The following FGF13 variants were observed in gnomAD, a reference collection of about 807,000 sequenced individuals.
FGF13 encodes the protein fibroblast growth factor 13, also known as fibroblast growth factor homologous factor 2.
A neutral mutation model predicts 19.5 loss-of-function variants in FGF13; 2 were observed. That is an observed-to-expected ratio of 0.10 (90% CI 0.04 to 0.32). The LOEUF (loss-of-function observed/expected upper bound fraction) is 0.32. FGF13 is among the 10% of genes least tolerant of loss of function. The pLI is 1.00. For missense variants in FGF13, 113 were observed against 192.7 expected (o/e 0.59, Z 2.45); for synonymous variants, 72 against 76.9 (o/e 0.94, Z 0.33).
chrX:138,723,113 A>T (rs1402157449), intron 1 of FGF13, among the ~76,000 whole-genome samples: 4 of 111,804 alleles, frequency 3.6e-5, no homozygotes. Flanking sequence ...GTCCTGCTAC[A>T]CACAGATATG....
chrX:139,074,734 C>T (rs1024266975), intron 1 of FGF13, among the ~76,000 whole-genome samples: 4 of 112,287 alleles, frequency 3.6e-5, no homozygotes, highest in Non-Finnish European at 5.6e-5. Context: ...GAAGTCTCCG[C>T]CCCCTTCTCA....
Position 138,790,043 on chromosome X carries a change from C to CAAAA in FGF13, c.217+67465_217+67468dup, listed in dbSNP as rs764151731. Among the ~76,000 whole-genome samples, 27 of 29,165 alleles carry CAAAA rather than the reference C, an allele frequency of 9.3e-4. 7 individuals are homozygous for CAAAA. Among genetic ancestry groups the CAAAA allele is most frequent in the Admixed American group, 1.8e-3 (3 of 1,661 alleles). 25.3% of individuals were successfully genotyped at this position (29,165 alleles called of 115,157 possible). ...CTGGGTGACAGAGCGAGACTCCATT[C>CAAAA]AAAAAAAAAAAAAAAAAAAAAAAAA... On this transcript the variant is annotated intron_variant, in intron 3 of 6. Coordinates refer to the FGF13 transcript ENST00000436198.
At chrX:138,686,559 G>A (rs1357842875) in intron 3 of FGF13, among the ~76,000 whole-genome samples, 1 of 111,535 alleles carries the variant, frequency 9.0e-6, no homozygotes, top group African/African-American at 3.3e-5. Context: ...TAAATCAGTA[G>A]GATAATATTT....
chrX:139,113,580 A>G (rs1446916190), intron 1 of FGF13, among the ~76,000 whole-genome samples: 2 of 112,807 alleles, frequency 1.8e-5, no homozygotes, highest in African/African-American at 6.4e-5. Flanking sequence ...TTGTTATTTC[A>G]AACCAGGTTG....
intron 1 of FGF13, among the ~76,000 whole-genome samples, chrX:139,048,960 G>A (rs2092296293): frequency 9.0e-6 from 1 of 111,388 alleles, no homozygotes; most frequent in Non-Finnish European, 1.9e-5. Flanking sequence ...TAGTAACAAT[G>A]GGGAAATCCC....
intron 3 of FGF13, among the ~76,000 whole-genome samples, chrX:138,762,698 G>A (rs2090476312): frequency 9.0e-6 from 1 of 111,670 alleles, no homozygotes; most frequent in South Asian, 3.7e-4. Context: ...CTGTGCCTAA[G>A]TTTTCTTATC....
At chrX:138,916,725 G>C (rs1177935243) in intron 1 of FGF13, among the ~76,000 whole-genome samples, 3 of 112,214 alleles carry the variant, frequency 2.7e-5, no homozygotes, top group Admixed American at 1.9e-4. Flanking sequence ...TCATATTTCA[G>C]TGAGACCAAT....
At chrX:139,071,218 T>C (rs1326225913) in intron 1 of FGF13, among the ~76,000 whole-genome samples, 5 of 112,097 alleles carry the variant, frequency 4.5e-5, no homozygotes, top group African/African-American at 1.6e-4. Context: ...ATTATTCCTA[T>C]GACCTAATTT....
At chrX:139,164,735 T>G (rs2084067247) in intron 1 of FGF13, among the ~76,000 whole-genome samples, 1 of 84,466 alleles carries the variant, frequency 1.2e-5, no homozygotes, top group African/African-American at 4.5e-5. Flanking sequence ...GAATGGAGAA[T>G]TCTATTAAAA....
chrX:138,881,644 G>C (rs1168617558), intron 1 of FGF13, among the ~76,000 whole-genome samples: 1 of 111,712 alleles, frequency 9.0e-6, no homozygotes, highest in African/African-American at 3.2e-5. Flanking sequence ...GGCAGATTGT[G>C]TGTTTCTAAA....
intron 1 of FGF13, among the ~76,000 whole-genome samples, chrX:138,735,791 A>T (rs1359198489): frequency 8.9e-6 from 1 of 112,014 alleles, no homozygotes; most frequent in Non-Finnish European, 1.9e-5. Context: ...TAGAATGCAG[A>T]TATCTTGTTT....
chrX:139,009,188 C>G (rs1322620421), intron 1 of FGF13, among the ~76,000 whole-genome samples: 1 of 111,735 alleles, frequency 8.9e-6, no homozygotes, highest in African/African-American at 3.3e-5. Context: ...AATTGGTGTT[C>G]CTGAGGAAGA....
chrX:139,159,179 T>G (rs2148253176), intron 1 of FGF13, among the ~76,000 whole-genome samples: 1 of 112,160 alleles, frequency 8.9e-6, no homozygotes, highest in Admixed American at 9.4e-5. Flanking sequence ...ATATTCAACA[T>G]TCTTAAAGAA....
chrX:138,835,591 T>C (rs941870582), intron 3 of FGF13, among the ~76,000 whole-genome samples: 12 of 112,163 alleles, frequency 1.1e-4, no homozygotes, highest in Admixed American at 1.9e-4. Flanking sequence ...AGCATACCAA[T>C]GGGTCTTTGA....
intron 1 of FGF13, among the ~76,000 whole-genome samples, chrX:139,072,345 C>A (rs980937059): frequency 9.1e-6 from 1 of 110,082 alleles, no homozygotes; most frequent in Admixed American, 9.7e-5. Flanking sequence ...CAATAGGAAG[C>A]CTTCTGCAAG....
intron 1 of FGF13, among the ~76,000 whole-genome samples, chrX:139,146,957 C>T (rs756158322): frequency 3.4e-5 from 3 of 87,534 alleles, no homozygotes; most frequent in South Asian, 7.3e-4. Flanking sequence ...CATCACACAC[C>T]GGGGCCTGTC....
chrX:138,678,737 T>C (rs1156868297), intron 3 of FGF13, among the ~76,000 whole-genome samples: 1 of 112,402 alleles, frequency 8.9e-6, no homozygotes, highest in East Asian at 2.8e-4. Context: ...ATTTAACTTA[T>C]AGGCTTTTGG....
intron 3 of FGF13, among the ~76,000 whole-genome samples, chrX:138,655,250 C>T (rs751434869): frequency 2.7e-5 from 3 of 111,743 alleles, no homozygotes; most frequent in Admixed American, 9.5e-5. Context: ...CCCTGAGTAT[C>T]CACTGGCTTT....
rs1193457673 is a variant in FGF13 at position 138,629,897 on chromosome X, T to G, written c.*2953A>C. The G allele has an allele frequency of 9.0e-6, 1 of 111,258 alleles. No homozygotes were observed. The highest frequency in any genetic ancestry group is 1.9e-5 in the Non-Finnish European group (1 of 53,109). The allele number at this position is 111,258 out of a possible 1,213,427, so 9.2% of individuals were successfully genotyped here. A position where few individuals can be genotyped will look rare whatever the true frequency, so the allele number is the denominator to read the frequency against. ...ATGTGAGCTAATATCTGAGACCCAA[T>G]AGTATTTGAAGTGTTTCCCACAACT... On this transcript the variant is annotated 3_prime_UTR_variant, in exon 5 of 5. Coordinates refer to ENST00000315930, the MANE Select transcript of FGF13 (RefSeq NM_004114.5).
Sources: gnomAD v4.1 joint callset for allele counts (sites outside exome capture counted in the v4.1 genomes callset) on GRCh38, gnomAD v4.1.1 for gene constraint, MANE v1.5 for transcripts, NCBI Gene and HGNC (gene_info 2026-07-23, HGNC 2026-07-21) for gene names.